The following SART3 variants were observed in gnomAD, a reference collection of about 807,000 sequenced individuals.
SART3 encodes the protein HIV-1 Tat-interacting protein of 110kDa.
Under a neutral mutation model 122.3 loss-of-function variants are expected in SART3, and 44 were observed. The observed-to-expected ratio is 0.36, with a 90% confidence interval of 0.28 to 0.46. The LOEUF is 0.46. Ranked by LOEUF, SART3 falls within the 20% of genes least tolerant of loss-of-function variation. The pLI, the probability that SART3 is intolerant of heterozygous loss-of-function variation, is 1.00. For missense variants in SART3, 1,101 were observed against 1,229.0 expected, an observed-to-expected ratio of 0.90 and a Z score of 1.56; for synonymous variants, 442 against 454.0, an observed-to-expected ratio of 0.97 and a Z score of 0.34.
chr12:108,548,132 T>A, intron 2 of SART3, 141 bp from the exon 3 acceptor site: 1 of 731,190 alleles, frequency 1.4e-6, no homozygotes, highest in South Asian at 1.5e-5. Flanking sequence ...TCTTAAAACC[T>A]GAACTAAGCA....
rs367848748 is a variant in SART3 at position 108,545,967 on chromosome 12, C to CAAAAA, written c.545-649_545-645dup. On this transcript the variant is annotated intron_variant, in intron 3 of 18. Transcript: ENST00000546815. Reference sequence around the variant, plus strand: ...TAAGCGAAAGAGTAAGACTCTCTCTCAAAAAAAAAAAAAAAAACACACATA... The same window carrying CAAAAA: ...TAAGCGAAAGAGTAAGACTCTCTCTCAAAAAAAAAAAAAAAAAAAAAACACACATA... 8.9e-3 allele frequency among the ~76,000 whole-genome samples: 964 copies of CAAAAA among 108,582 alleles called. 33 individuals are homozygous for CAAAAA. Among genetic ancestry groups the CAAAAA allele is most frequent in the African/African-American group, 0.029 (808 of 27,878 alleles). The allele number at this position is 108,582 out of a possible 152,430, so 71.2% of individuals were successfully genotyped here.
Position 108,526,478 on chromosome 12 carries a change from G to A in SART3, c.1991C>T (p.Ala664Val). Residue 664 changes from alanine to valine, a missense_variant, in exon 16 of 19, where the codon GCA becomes GTA. Around this residue, in one of 2 missense-constraint regions of SART3, gnomAD observed 885 missense variants for 1,080.1 expected, o/e 0.82. Coordinates refer to ENST00000546815, the MANE Select transcript of SART3 (RefSeq NM_014706.4). ...AGETQNVEVA[A>V]GPAGKCAAVD... ...GGCAGCACATTTCCCAGCGGGCCCT[G>A]CTGCTACTTCTACATTTTGTGTTTC... 6.2e-7 allele frequency: 1 copy of A among 1,614,184 alleles called. No individual in the cohort carries two copies. The highest frequency in any genetic ancestry group is 1.1e-5 in the South Asian group (1 of 91,086).
chr12:108,543,043 G>A lies in SART3; in HGVS notation c.891C>T (p.Pro297=). Residue 297 remains proline (P), a synonymous_variant, in exon 6 of 19, where the codon CCC becomes CCT. Transcript: ENST00000546815. ...KALQQLEKYK[P]YEEALLQAEA... ...CAACACTTACCAGTGCTTCTTCATAGGGTTTATATTTCTCCAGCTGCTGTA... is the reference window on the plus strand; with the variant it reads ...CAACACTTACCAGTGCTTCTTCATAAGGTTTATATTTCTCCAGCTGCTGTA... The A allele has an allele frequency of 3.1e-6, 5 of 1,614,220 alleles. No individual in the cohort carries two copies. The South Asian group carries it at 3.3e-5, about 11-fold the overall frequency.
chr12:108,524,395 G>A lies in SART3; in HGVS notation c.2635C>T (p.Pro879Ser), dbSNP rs554372371. 1.2e-4 allele frequency: 194 copies of A among 1,614,016 alleles called. No homozygotes were observed. The highest frequency in any genetic ancestry group is 1.3e-4 in the Non-Finnish European group (158 of 1,179,994). Residue 879 changes from proline to serine, a missense_variant, in exon 18 of 19, where the codon CCT (proline) becomes TCT (serine). By Grantham distance (74) the Pro-to-Ser change is moderately conservative. Around this residue, in one of 2 missense-constraint regions of SART3, gnomAD observed 885 missense variants for 1,080.1 expected, o/e 0.82. Coordinates refer to ENST00000546815, the MANE Select transcript of SART3 (RefSeq NM_014706.4). ...GGCTTCTCTGGAACTTTCCTCTGAGGAGGGTTGCTGATTGCCACTTTGATG... is the reference window on the plus strand; with the variant it reads ...GGCTTCTCTGGAACTTTCCTCTGAGAAGGGTTGCTGATTGCCACTTTGATG... Reference protein sequence around the residue: ...NIIKVAISNPPQRKVPEKPET... With the variant: ...NIIKVAISNPSQRKVPEKPET...
At chr12:108,552,542 C>CAA (rs202116633) in intron 1 of SART3, among the ~76,000 whole-genome samples, 4,953 of 130,102 alleles carry the variant, frequency 0.038, 214 homozygotes, top group African/African-American at 0.13. Flanking sequence ...CATACAAAAA[C>CAA]AAAAAAAAAA....
chr12:108,525,251 T>C (rs1413352355), intron 17 of SART3, among the ~76,000 whole-genome samples: 2 of 152,274 alleles, frequency 1.3e-5, no homozygotes, highest in Non-Finnish European at 2.9e-5. Flanking sequence ...AAGTGTCTTA[T>C]TCTTTTTAGT....
At chr12:108,537,414 G>T in intron 9 of SART3, 74 bp downstream of exon 9, 1 of 1,101,494 alleles carries the variant, frequency 9.1e-7, no homozygotes, top group Non-Finnish European at 1.4e-6. Flanking sequence ...TGTATCTGGG[G>T]AACTGGGACA....
chr12:108,560,809 C>T, intron 1 of SART3, 34 bp downstream of exon 1: 1 of 1,560,640 alleles, frequency 6.4e-7, no homozygotes, highest in Non-Finnish European at 8.7e-7. Context: ...ACCTGAAAGA[C>T]TGGAAGATGC....
intron 12 of SART3, chr12:108,532,610 A>G (rs918700835): frequency 1.5e-5 from 6 of 406,730 alleles, no homozygotes; most frequent in African/African-American, 8.2e-5. Context: ...CTGCCTTTAC[A>G]GCATTCACAT....
chr12:108,528,236 A>C (rs1234019150), intron 15 of SART3, among the ~76,000 whole-genome samples: 1 of 152,170 alleles, frequency 6.6e-6, no homozygotes, highest in Non-Finnish European at 1.5e-5. Flanking sequence ...TAATAACAGC[A>C]CTTTGGGAGG....
At chr12:108,536,416 G>T (rs1184472443) in intron 11 of SART3, 98 bp downstream of exon 11, 33 of 1,162,910 alleles carry the variant, frequency 2.8e-5, no homozygotes, top group Non-Finnish European at 3.6e-5. Flanking sequence ...TAGAGCTTAG[G>T]CCATTATCTG....
chr12:108,547,863 C>A, intron 3 of SART3, 24 bp downstream of exon 3: 1 of 1,575,276 alleles, frequency 6.3e-7, no homozygotes, highest in South Asian at 1.1e-5. Context: ...GCCAGATATC[C>A]AAAAAAAGTC....
In SART3 at chr12:108,547,936, G is replaced by A. The variant is rs529306396; in HGVS notation, c.495C>T (p.Asp165=). The part of the protein sequence containing the change: ...DEISMAQDGL[D]REHVYDLFEK... ...CAAAGAGGTCATACACGTGCTCTCT[G>A]TCCAGGCCATCCTGGGCCATGCTGA... is the stretch of plus-strand genomic sequence containing the variant. Residue 165 remains aspartate, a synonymous_variant, in exon 3 of 19, where the codon GAC becomes GAT. Transcript: ENST00000546815. 11 of 1,613,662 alleles carry A rather than the reference G, an allele frequency of 6.8e-6. No individual in the cohort carries two copies. In the South Asian group the frequency reaches 1.1e-4, roughly 16 times the overall value.
chr12:108,536,863 T>C, intron 9 of SART3, 78 bp from the exon 10 acceptor site: 2 of 1,329,104 alleles, frequency 1.5e-6, no homozygotes, highest in Non-Finnish European at 2.1e-6. Context: ...ATGCTGAAAC[T>C]GCCTGGAGAC....
At chr12:108,535,298 G>C (rs1346268147) in intron 12 of SART3, 61 bp downstream of exon 12, 38 of 1,327,966 alleles carry the variant, frequency 2.9e-5, no homozygotes, top group African/African-American at 4.3e-5. Context: ...AGTCAGCCAG[G>C]AGTGAAGACA....
intron 13 of SART3, chr12:108,531,645 G>T: frequency 3.5e-6 from 1 of 284,912 alleles, no homozygotes; most frequent in Non-Finnish European, 6.8e-6. Context: ...TTGCAAGCCA[G>T]TTCTGAGGGG....
At chr12:108,524,107 C>A in intron 18 of SART3, 1 of 608,578 alleles carries the variant, frequency 1.6e-6, no homozygotes, top group Non-Finnish European at 2.9e-6. Flanking sequence ...GTAAATTGGC[C>A]AGTACCAGGC....
chr12:108,556,821 CCCA>C (rs1304129335), intron 1 of SART3, among the ~76,000 whole-genome samples: 1 of 152,226 alleles, frequency 6.6e-6, no homozygotes, highest in Non-Finnish European at 1.5e-5. Flanking sequence ...CAAGGCTCTC[CCCA>C]CCACATCACC....
intron 1 of SART3, among the ~76,000 whole-genome samples, chr12:108,556,145 G>A (rs1192303686): frequency 2.6e-5 from 4 of 151,514 alleles, no homozygotes; most frequent in Admixed American, 2.6e-4. Context: ...CCAGGCTGGA[G>A]TGCCGTGGCA....
Sources: allele counts gnomAD v4.1 joint callset (sites outside exome capture counted in the v4.1 genomes callset), GRCh38; gene constraint gnomAD v4.1.1; regional missense constraint gnomAD v4.1.1; transcripts MANE v1.5; gene names NCBI Gene and HGNC (gene_info 2026-07-23, HGNC 2026-07-21).